CABLES1: variants seen among roughly 807,000 people sequenced by gnomAD.
CABLES1 encodes the protein CDK5 and ABL1 enzyme substrate 1.
CABLES1 carries 36 observed loss-of-function variants against 57.8 expected under a neutral mutation model. The ratio of observed to expected loss-of-function variants is 0.62; its 90% CI spans 0.48 to 0.82. The LOEUF (loss-of-function observed/expected upper bound fraction) is 0.82, where lower values mean the gene tolerates loss of function less well. CABLES1 is among the 40% of genes least tolerant of loss of function. CABLES1 has a pLI of 0.00. For missense variants in CABLES1, 767 were observed against 836.6 expected, an observed-to-expected ratio of 0.92 and a Z score of 1.03; for synonymous variants, 374 against 363.0, an observed-to-expected ratio of 1.03 and a Z score of -0.35.
intron 1 of CABLES1, among the ~76,000 whole-genome samples, chr18:23,182,653 A>G (rs1201433811): frequency 6.6e-6 from 1 of 152,176 alleles, no homozygotes; most frequent in African/African-American, 2.4e-5. Flanking sequence ...CTACTTTCTC[A>G]TTTCATACTG....
intron 3 of CABLES1, among the ~76,000 whole-genome samples, chr18:23,206,168 G>A (rs958240204): frequency 6.6e-6 from 1 of 151,866 alleles, no homozygotes; most frequent in African/African-American, 2.4e-5. Context: ...CCGTCCTCCC[G>A]CCCCGTCCCA....
chr18:23,150,467 C>T (rs1164536722), intron 1 of CABLES1, among the ~76,000 whole-genome samples: 1 of 152,098 alleles, frequency 6.6e-6, no homozygotes, highest in Non-Finnish European at 1.5e-5. Flanking sequence ...CCGCCCACCT[C>T]GGCCTCCCAA....
intron 6 of CABLES1, 46 bp downstream of exon 6, chr18:23,236,097 G>T (rs374412864): frequency 2.1e-5 from 33 of 1,592,386 alleles, no homozygotes; most frequent in Middle Eastern, 2.1e-4. Flanking sequence ...TGGGAGGGAG[G>T]TGCCTCCATT....
intron 4 of CABLES1, among the ~76,000 whole-genome samples, chr18:23,219,775 T>C (rs1335984225): frequency 6.6e-6 from 1 of 152,240 alleles, no homozygotes; most frequent in Non-Finnish European, 1.5e-5. Flanking sequence ...TCAGTGCTGC[T>C]GATGCAGAAG....
chr18:23,167,752 G>A (rs2047053398), intron 1 of CABLES1, among the ~76,000 whole-genome samples: 1 of 152,026 alleles, frequency 6.6e-6, no homozygotes, highest in Admixed American at 6.5e-5. Context: ...AGCAGGGAGG[G>A]GTGGGTGGGA....
intron 3 of CABLES1, among the ~76,000 whole-genome samples, chr18:23,210,670 C>T (rs576839655): frequency 3.3e-5 from 5 of 152,308 alleles, no homozygotes; most frequent in African/African-American, 1.2e-4. Context: ...GCCAAGAAGA[C>T]GGGAGCCATC....
intron 4 of CABLES1, among the ~76,000 whole-genome samples, chr18:23,222,544 ATATATATC>A (rs2047496073): frequency 6.8e-6 from 1 of 147,976 alleles, no homozygotes; most frequent in Non-Finnish European, 1.5e-5. Flanking sequence ...CTCTCTCTCT[ATATATATC>A]TATATATAGA....
intron 1 of CABLES1, among the ~76,000 whole-genome samples, chr18:23,139,154 C>T (rs1000158640): frequency 6.6e-6 from 1 of 152,090 alleles, no homozygotes; most frequent in Admixed American, 6.6e-5. Flanking sequence ...ATAATCCCAG[C>T]ACTTTGGGAG....
intron 1 of CABLES1, among the ~76,000 whole-genome samples, chr18:23,181,383 C>G (rs909054468): frequency 1.3e-5 from 2 of 150,348 alleles, no homozygotes; most frequent in Non-Finnish European, 3.0e-5. Flanking sequence ...GTAGTCCCAG[C>G]TACTTGGGAG....
intron 2 of CABLES1, among the ~76,000 whole-genome samples, chr18:23,191,163 A>G (rs2047240334): frequency 6.6e-6 from 1 of 152,114 alleles, no homozygotes; most frequent in Non-Finnish European, 1.5e-5. Context: ...AGGCGACAGG[A>G]TCGCTTGAAC....
intron 1 of CABLES1, among the ~76,000 whole-genome samples, chr18:23,155,164 A>C (rs144202722): frequency 5.4e-4 from 83 of 152,354 alleles, no homozygotes; most frequent in African/African-American, 2.0e-3. Context: ...GCGTAACTTC[A>C]GTTCTGTTAG....
intron 1 of CABLES1, among the ~76,000 whole-genome samples, chr18:23,184,279 G>A (rs779483726): frequency 2.0e-5 from 3 of 151,874 alleles, no homozygotes; most frequent in Non-Finnish European, 2.9e-5. Context: ...GTGCCCATGC[G>A]TGCTAATGTG....
In CABLES1 at chr18:23,229,367, G is replaced by A. The variant is rs1328149357; in HGVS notation, c.1089-5241G>A. 1.2e-4 allele frequency among the ~76,000 whole-genome samples: 19 copies of A among 152,224 alleles called. No individual in the cohort carries two copies. In the East Asian group the frequency reaches 2.9e-3, roughly 23 times the overall value. On this transcript the variant is annotated intron_variant, in intron 4 of 9. Transcript: ENST00000256925. ...GCAGAGGTTGCAGTGAGCCGAGATCGCACCACTGCACTCCAGCCTAGGCAA... is the reference window on the plus strand; with the variant it reads ...GCAGAGGTTGCAGTGAGCCGAGATCACACCACTGCACTCCAGCCTAGGCAA...
At chr18:23,220,486 G>T (rs1317905870) in intron 4 of CABLES1, among the ~76,000 whole-genome samples, 1 of 152,184 alleles carries the variant, frequency 6.6e-6, no homozygotes. Flanking sequence ...TGTGGCCGCA[G>T]ATCTGCCCTG....
At chr18:23,200,875 A>G (rs985704658) in intron 3 of CABLES1, among the ~76,000 whole-genome samples, 1 of 152,230 alleles carries the variant, frequency 6.6e-6, no homozygotes, top group East Asian at 1.9e-4. Context: ...GAAATTTGTC[A>G]GCTGACCATC....
At chr18:23,136,772 A>G (rs1568038910) in intron 1 of CABLES1, among the ~76,000 whole-genome samples, 165 bp downstream of exon 1, 1 of 152,100 alleles carries the variant, frequency 6.6e-6, no homozygotes, top group East Asian at 1.9e-4. Flanking sequence ...CACCCAAAAG[A>G]GGGGGCGTCC....
intron 4 of CABLES1, among the ~76,000 whole-genome samples, chr18:23,226,169 C>T (rs186395555): frequency 7.2e-5 from 11 of 152,262 alleles, no homozygotes; most frequent in Non-Finnish European, 1.3e-4. Flanking sequence ...TTTGGGAGAC[C>T]GAGGTGGGCG....
intron 7 of CABLES1, among the ~76,000 whole-genome samples, chr18:23,246,612 C>A (rs12970691): frequency 0.017 from 2,641 of 151,328 alleles, 105 homozygotes; most frequent in East Asian, 0.13. Context: ...AGGATGGTCT[C>A]GATCTCCTGA....
chr18:23,250,075 A>G (rs2048000608), intron 7 of CABLES1, among the ~76,000 whole-genome samples: 1 of 152,200 alleles, frequency 6.6e-6, no homozygotes, highest in Admixed American at 6.5e-5. Context: ...TATATCTACA[A>G]ATAAGATGGA....
Sources: gnomAD v4.1 joint callset for allele counts (sites outside exome capture counted in the v4.1 genomes callset) on GRCh38, gnomAD v4.1.1 for gene constraint, MANE v1.5 for transcripts, NCBI Gene and HGNC (gene_info 2026-07-23, HGNC 2026-07-21) for gene names.